FBXW4: variants seen among roughly 807,000 people sequenced by gnomAD.
FBXW4 encodes F-box and WD repeat domain containing 4, also known as F-box/WD repeat-containing protein 4.
FBXW4 carries 40 observed loss-of-function variants against 61.8 expected under a neutral mutation model. That is an observed-to-expected ratio of 0.65 (90% CI 0.50 to 0.84). The LOEUF is 0.84. Among genes scored for constraint, FBXW4 ranks in the 40% least tolerant of loss-of-function variants. The pLI, the probability that FBXW4 is intolerant of heterozygous loss-of-function variation, is 0.00. For missense variants in FBXW4, 672 were observed against 753.8 expected, an observed-to-expected ratio of 0.89 and a Z score of 1.27; for synonymous variants, 311 against 313.8, an observed-to-expected ratio of 0.99 and a Z score of 0.10.
At chr10:101,626,802 G>T (rs991926068) in intron 5 of FBXW4, 1 of 152,282 alleles carries the variant, frequency 6.6e-6, no homozygotes, top group African/African-American at 2.4e-5. Flanking sequence ...ATCTCTTAAG[G>T]CCTATGGCAG....
intron 5 of FBXW4, among the ~76,000 whole-genome samples, chr10:101,648,269 T>C (rs2064117514): frequency 6.6e-6 from 1 of 152,212 alleles, no homozygotes; most frequent in African/African-American, 2.4e-5. Flanking sequence ...AAGCAAAAAT[T>C]CTGGGCCTTT....
At position 101,652,323 on chromosome 10, in the gene FBXW4, G is replaced by A. The variant is rs541423088; in HGVS notation, c.1235+15563C>T. ...TAAACCACTCCAAATGGCAACATCC[G>A]TGGTCAGTAGCTTTTTTCTTGATTC... On this transcript the variant is annotated intron_variant, in intron 5 of 8. Coordinates refer to ENST00000331272, the MANE Select transcript of FBXW4 (RefSeq NM_022039.4). 7.2e-5 allele frequency among the ~76,000 whole-genome samples: 11 copies of A among 152,250 alleles called. 1 individual carries two copies. The highest frequency in any genetic ancestry group is 4.1e-4 in the South Asian group (2 of 4,824).
chr10:101,622,118 A>T (rs1351342224), intron 6 of FBXW4, among the ~76,000 whole-genome samples: 4 of 151,846 alleles, frequency 2.6e-5, no homozygotes, highest in African/African-American at 9.7e-5. Flanking sequence ...ATGTTGTTTT[A>T]AAAATTTTGA....
intron 7 of FBXW4, among the ~76,000 whole-genome samples, chr10:101,612,043 T>C (rs1200845292): frequency 3.9e-5 from 6 of 152,162 alleles, no homozygotes; most frequent in Admixed American, 6.5e-5. Flanking sequence ...TCAAGAAAGG[T>C]TGAAGTAACA....
At chr10:101,685,085 C>T (rs1206242251) in intron 1 of FBXW4, among the ~76,000 whole-genome samples, 6 of 152,200 alleles carry the variant, frequency 3.9e-5, no homozygotes, top group Admixed American at 3.9e-4. Context: ...CATATACCCA[C>T]ACTTTCACCT....
At chr10:101,639,192 C>T (rs904503349) in intron 5 of FBXW4, among the ~76,000 whole-genome samples, 1 of 152,224 alleles carries the variant, frequency 6.6e-6, no homozygotes, top group Admixed American at 6.5e-5. Context: ...CAGTCTCTCT[C>T]TGCCCCTCAG....
chr10:101,617,812 G>C (rs960341944), intron 6 of FBXW4, among the ~76,000 whole-genome samples: 9 of 152,082 alleles, frequency 5.9e-5, no homozygotes, highest in Non-Finnish European at 1.2e-4. Flanking sequence ...AGAGTTCAGG[G>C]GGACAGAGGA....
chr10:101,611,255 G>A lies in FBXW4; in HGVS notation c.*36C>T, dbSNP rs1564899080. 3.7e-6 allele frequency: 6 copies of A among 1,605,148 alleles called. No individual in the cohort carries two copies. Among genetic ancestry groups the A allele is most frequent in the Non-Finnish European group, 5.1e-6 (6 of 1,176,158 alleles). ...GGCAAGAGAAGTCCCTGAGTAGCTG[G>A]TTTCCCTGGCCCAGAGGCAGGGGTG... On this transcript the variant is annotated 3_prime_UTR_variant, in exon 9 of 9. Coordinates refer to ENST00000331272, the MANE Select transcript of FBXW4 (RefSeq NM_022039.4). This position sits in a 1 kb window ranked among gnomAD's most constrained non-coding sequence, Gnocchi z 4.9.
chr10:101,642,329 T>C (rs527533274), intron 5 of FBXW4, among the ~76,000 whole-genome samples: 3 of 151,956 alleles, frequency 2.0e-5, no homozygotes, highest in Non-Finnish European at 4.4e-5. Flanking sequence ...GGCAGGAGGA[T>C]TGCTTGAGGC....
chr10:101,693,568 A>G (rs1242029873), intron 1 of FBXW4, among the ~76,000 whole-genome samples: 4 of 152,226 alleles, frequency 2.6e-5, no homozygotes, highest in Non-Finnish European at 4.4e-5. Flanking sequence ...ATGTTTTTAA[A>G]AACGTTATTT....
chr10:101,659,464 T>C, intron 5 of FBXW4: 1 of 984,490 alleles, frequency 1.0e-6, no homozygotes, highest in Non-Finnish European at 1.2e-6. Context: ...CTCTCTTCAC[T>C]GTCCAGAGAA....
chr10:101,640,484 CTTTTT>C (rs386372272), intron 5 of FBXW4, among the ~76,000 whole-genome samples: 13,322 of 83,592 alleles, frequency 0.16, 557 homozygotes, highest in Middle Eastern at 0.28. Context: ...CTTTCTTTCT[CTTTTT>C]TTTTTTTTTT....
At chr10:101,687,202 A>G (rs1452420094) in intron 1 of FBXW4, among the ~76,000 whole-genome samples, 4 of 152,028 alleles carry the variant, frequency 2.6e-5, no homozygotes, top group Non-Finnish European at 5.9e-5. Flanking sequence ...CCCCCCTACA[A>G]AACCCACAGA....
upstream of FBXW4, chr10:101,695,175 C>T (rs1488863456): frequency 6.1e-6 from 6 of 985,364 alleles, no homozygotes; most frequent in Admixed American, 3.1e-4. The surrounding 1 kb of genome is among the most constrained non-coding windows in gnomAD (Gnocchi z 4.2). Context: ...CGGGAGGAGG[C>T]GACACCATGT....
Position 101,672,975 on chromosome 10 carries a change from C to T in FBXW4, c.1080G>A (p.Val360=). ...TGCCCCCTTTGCAATCCACACAGTTCACCTCCTGTTCATGAGCCGAGTACT... is the reference window on the plus strand; with the variant it reads ...TGCCCCCTTTGCAATCCACACAGTTTACCTCCTGTTCATGAGCCGAGTACT... The part of the protein sequence containing the change: ...TVKYSAHEQE[V]NCVDCKGGII... The change falls in exon 4 of 9, where the codon GTG becomes GTA. Residue 360 remains valine (V), a synonymous_variant. Transcript: ENST00000331272. 1 of 1,614,098 alleles carries T rather than the reference C, an allele frequency of 6.2e-7. No homozygotes were observed. Among genetic ancestry groups the T allele is most frequent in the African/African-American group, 1.3e-5 (1 of 75,024 alleles).
Position 101,694,283 on chromosome 10 carries a change from C to CCTA in FBXW4, c.725+97_725+98insTAG. 1 of 1,167,200 alleles carries CCTA rather than the reference C, an allele frequency of 8.6e-7. No homozygotes were observed. The highest frequency in any genetic ancestry group is 1.1e-6 in the Non-Finnish European group (1 of 904,196). 72.3% of individuals were successfully genotyped at this position (1,167,200 alleles called of 1,614,324 possible). Reference sequence around the variant, plus strand: ...GGTGTAGGCCTAGAAACTCGGGGTGCGACACGACCCTGGGCCGACCAGGCC... The same window carrying CCTA: ...GGTGTAGGCCTAGAAACTCGGGGTGCCTAGACACGACCCTGGGCCGACCAGGCC... On this transcript the variant is annotated intron_variant, in intron 1 of 8. Coordinates refer to ENST00000331272, the MANE Select transcript of FBXW4 (RefSeq NM_022039.4). The surrounding 1 kb of genome is among the most constrained non-coding windows in gnomAD (Gnocchi z 6.0).
chr10:101,667,829 G>A, intron 5 of FBXW4, 57 bp downstream of exon 5: 2 of 1,449,574 alleles, frequency 1.4e-6, no homozygotes, highest in Non-Finnish European at 1.9e-6. Context: ...ACCTGATCTA[G>A]TAAAATAAAA....
At chr10:101,649,235 T>G (rs1248013176) in intron 5 of FBXW4, among the ~76,000 whole-genome samples, 1 of 152,012 alleles carries the variant, frequency 6.6e-6, no homozygotes, top group African/African-American at 2.4e-5. Context: ...ATCTCTCTCC[T>G]CCATCAAGTT....
chr10:101,635,456 G>A (rs1045097703), intron 5 of FBXW4, among the ~76,000 whole-genome samples: 5 of 151,644 alleles, frequency 3.3e-5, no homozygotes, highest in Admixed American at 6.6e-5. Flanking sequence ...ATTGAAAACT[G>A]TCTTCCATGA....
Sources: allele counts gnomAD v4.1 joint callset (sites outside exome capture counted in the v4.1 genomes callset), GRCh38; gene constraint gnomAD v4.1.1; non-coding constraint Gnocchi (gnomAD v3.1); transcripts MANE v1.5; gene names NCBI Gene and HGNC (gene_info 2026-07-23, HGNC 2026-07-21).